TMEM217: variants seen among roughly 807,000 people sequenced by gnomAD.
TMEM217 encodes the protein chromosome 6 open reading frame 128.
For missense variants in TMEM217, 204 were observed against 248.8 expected, an observed-to-expected ratio of 0.82 and a Z score of 1.21; for synonymous variants, 76 against 88.3, an observed-to-expected ratio of 0.86 and a Z score of 0.78.
At chr6:37,227,680 G>A (rs1173304428) in intron 1 of TMEM217, among the ~76,000 whole-genome samples, 4 of 151,818 alleles carry the variant, frequency 2.6e-5, no homozygotes, top group Admixed American at 6.6e-5. Context: ...TCCTGACCTC[G>A]TGATCCACCC....
chr6:37,238,719 A>G (rs1457755004), intron 1 of TMEM217, among the ~76,000 whole-genome samples: 1 of 152,240 alleles, frequency 6.6e-6, no homozygotes, highest in Non-Finnish European at 1.5e-5. Flanking sequence ...AACAAGCATG[A>G]AGACAAAAAC....
chr6:37,246,892 G>A lies in TMEM217; in HGVS notation c.-12+10676C>T, dbSNP rs572473669. On this transcript the variant is annotated intron_variant, in intron 1 of 1. Coordinates refer to ENST00000357219, the Ensembl canonical transcript of TMEM217. ...CGTTCTAGCCTGGGCAACAGAGCAA[G>A]ACTCTGTCTCAAAAAAAAAAAAAAA... Among the ~76,000 whole-genome samples the A allele has an allele frequency of 8.9e-4, 105 of 117,426 alleles. 1 individual carries two copies. Among genetic ancestry groups the A allele is most frequent in the African/African-American group, 3.2e-3 (102 of 31,634 alleles). The allele number at this position is 117,426 out of a possible 152,430, so 77.0% of individuals were successfully genotyped here.
At chr6:37,218,142 G>A in exon 2 of TMEM217, 1 of 1,115,472 alleles carries the variant, frequency 9.0e-7, no homozygotes, top group Non-Finnish European at 1.1e-6. Context: ...CAACATGATT[G>A]CTTATAGTGG....
chr6:37,258,028 T>G, exon 1 of TMEM217: 1 of 1,587,402 alleles, frequency 6.3e-7, no homozygotes, highest in Non-Finnish European at 8.6e-7. Flanking sequence ...TTCCAGATCC[T>G]AATCCCTGAA....
At chr6:37,249,412 C>G (rs1765273144) in intron 1 of TMEM217, among the ~76,000 whole-genome samples, 1 of 152,168 alleles carries the variant, frequency 6.6e-6, no homozygotes, top group East Asian at 1.9e-4. Context: ...CTCCACTTTC[C>G]AGGTTCAAGC....
chr6:37,226,193 C>T (rs1763813182), intron 1 of TMEM217, among the ~76,000 whole-genome samples: 1 of 151,908 alleles, frequency 6.6e-6, no homozygotes, highest in South Asian at 2.1e-4. Context: ...TTTACCATCT[C>T]CTCATAAAGA....
chr6:37,253,391 AC>A (rs1350173317), intron 1 of TMEM217, among the ~76,000 whole-genome samples: 1 of 152,188 alleles, frequency 6.6e-6, no homozygotes, highest in African/African-American at 2.4e-5. Context: ...GGAATGAAAT[AC>A]CTAGTTTTCC....
intron 1 of TMEM217, among the ~76,000 whole-genome samples, chr6:37,255,755 G>A (rs6926325): frequency 0.032 from 4,828 of 152,114 alleles, 246 homozygotes; most frequent in African/African-American, 0.11. Context: ...GTGGAAGCAG[G>A]GAGCCGAATA....
intron 1 of TMEM217, among the ~76,000 whole-genome samples, chr6:37,243,746 G>A (rs1764913466): frequency 6.6e-6 from 1 of 152,158 alleles, no homozygotes; most frequent in Non-Finnish European, 1.5e-5. Flanking sequence ...TTACAGGCAT[G>A]CACCACCACA....
intron 1 of TMEM217, among the ~76,000 whole-genome samples, chr6:37,221,976 T>C (rs951105127): frequency 6.6e-6 from 1 of 152,132 alleles, no homozygotes; most frequent in African/African-American, 2.4e-5. Flanking sequence ...GAGAGGGTAG[T>C]TCCTCTCTGT....
downstream of TMEM217, chr6:37,213,138 TG>T: frequency 1.6e-6 from 1 of 641,672 alleles, no homozygotes; most frequent in Admixed American, 2.9e-5. Context: ...TTAAGGGACA[TG>T]GGGTCTGGCC....
intron 1 of TMEM217, among the ~76,000 whole-genome samples, chr6:37,249,410 T>G (rs1017404718): frequency 6.6e-6 from 1 of 152,074 alleles, no homozygotes; most frequent in African/African-American, 2.4e-5. Context: ...ACCTCCACTT[T>G]CCAGGTTCAA....
At chr6:37,242,316 TC>T (rs1315946623) in intron 1 of TMEM217, among the ~76,000 whole-genome samples, 2 of 151,938 alleles carry the variant, frequency 1.3e-5, no homozygotes, top group East Asian at 3.9e-4. Flanking sequence ...ACCTCTCTAT[TC>T]CCCCCAAGGG....
At chr6:37,213,043 G>C, downstream of TMEM217, 1 of 1,299,528 alleles carries the variant, frequency 7.7e-7, no homozygotes, top group Non-Finnish European at 1.1e-6. Flanking sequence ...GGCAGAGGTA[G>C]CCTTAGACAA....
chr6:37,235,444 C>T (rs1393865951), intron 1 of TMEM217, among the ~76,000 whole-genome samples: 3 of 152,132 alleles, frequency 2.0e-5, no homozygotes, highest in Non-Finnish European at 4.4e-5. Flanking sequence ...CGGCTCACTG[C>T]AAGCTCCGCC....
At chr6:37,242,860 G>A (rs1284545916) in intron 1 of TMEM217, among the ~76,000 whole-genome samples, 1 of 152,136 alleles carries the variant, frequency 6.6e-6, no homozygotes, top group Non-Finnish European at 1.5e-5. Flanking sequence ...CAGTATCCCA[G>A]GCAGGAGTGT....
At chr6:37,245,877 G>A (rs1038451891) in intron 1 of TMEM217, among the ~76,000 whole-genome samples, 5 of 151,124 alleles carry the variant, frequency 3.3e-5, no homozygotes, top group African/African-American at 1.2e-4. Flanking sequence ...TTGGCTCACC[G>A]CAACCTCTGC....
At chr6:37,240,345 C>T (rs1764704496) in intron 1 of TMEM217, among the ~76,000 whole-genome samples, 1 of 152,192 alleles carries the variant, frequency 6.6e-6, no homozygotes, top group South Asian at 2.1e-4. Context: ...AAGTTTCATC[C>T]AAGCTCGCTC....
At chr6:37,216,597 G>A (rs528666154), downstream of TMEM217, among the ~76,000 whole-genome samples, 4 of 152,136 alleles carry the variant, frequency 2.6e-5, no homozygotes, top group East Asian at 1.9e-4. Flanking sequence ...CCTCTGAGGC[G>A]AGGAGCACAG....
Sources: gnomAD v4.1 joint callset for allele counts (sites outside exome capture counted in the v4.1 genomes callset) on GRCh38, gnomAD v4.1.1 for gene constraint, MANE v1.5 for transcripts, NCBI Gene and HGNC (gene_info 2026-07-23, HGNC 2026-07-21) for gene names.